TENM2: variants seen among roughly 807,000 people sequenced by gnomAD.
TENM2 encodes the protein teneurin transmembrane protein 2.
TENM2 carries 52 observed loss-of-function variants against 245.2 expected under a neutral mutation model. The ratio of observed to expected loss-of-function variants is 0.21; its 90% CI spans 0.17 to 0.27. The LOEUF (loss-of-function observed/expected upper bound fraction) is 0.27, where lower values mean the gene tolerates loss of function less well. Among genes scored for constraint, TENM2 ranks in the 10% least tolerant of loss-of-function variants. TENM2 has a pLI of 1.00. For synonymous variants in TENM2, 1,363 were observed against 1,438.9 expected (o/e 0.95, Z 1.19); for missense variants, 3,046 against 3,666.8 (o/e 0.83, Z 4.37).
At chr5:167,071,917 A>G in the TENM2 span, among the ~76,000 whole-genome samples, 1 of 137,332 alleles carries the variant, frequency 7.3e-6, no homozygotes, top group African/African-American at 2.7e-5. Flanking sequence ...CTGGAAAATC[A>G]GGATGCTAGC....
chr5:167,909,420 A>C (rs1776373711), intron 3 of TENM2, among the ~76,000 whole-genome samples: 1 of 152,134 alleles, frequency 6.6e-6, no homozygotes, highest in Admixed American at 6.5e-5. Flanking sequence ...GTACCCCCTA[A>C]ATCTAAAATA....
At chr5:168,199,041 T>C in exon 16 of TENM2, 2 of 1,613,926 alleles carry the variant, frequency 1.2e-6, no homozygotes. Context: ...CCTGATCCAA[T>C]CATCATCTCC....
intron 2 of TENM2, among the ~76,000 whole-genome samples, chr5:167,843,771 G>T (rs914345254): frequency 4.6e-5 from 7 of 152,098 alleles, no homozygotes; most frequent in Non-Finnish European, 7.3e-5. Flanking sequence ...GATGATAAAG[G>T]TTTATGCTGG....
At chr5:167,517,910 G>A (rs533251569) in intron 2 of TENM2, among the ~76,000 whole-genome samples, 9 of 152,160 alleles carry the variant, frequency 5.9e-5, no homozygotes, top group South Asian at 4.1e-4. Context: ...AGCAGGGGCC[G>A]GGCACCGTGG....
the TENM2 span, among the ~76,000 whole-genome samples, chr5:167,117,188 G>A: frequency 6.6e-6 from 1 of 152,312 alleles, no homozygotes; most frequent in African/African-American, 2.4e-5. Context: ...TTTTTGCTGT[G>A]ACCTTTCCTC....
At chr5:166,990,561 T>C in the TENM2 span, among the ~76,000 whole-genome samples, 3 of 152,178 alleles carry the variant, frequency 2.0e-5, no homozygotes, top group Non-Finnish European at 2.9e-5. Context: ...TGCAGTTCCA[T>C]GAAATATTAA....
chr5:167,399,303 A>T (rs1018761501), intron 2 of TENM2, among the ~76,000 whole-genome samples: 1 of 152,198 alleles, frequency 6.6e-6, no homozygotes, highest in Admixed American at 6.6e-5. Context: ...GCCAATAATA[A>T]GCCAGGATGA....
At chr5:167,708,539 A>G (rs917857441) in intron 2 of TENM2, among the ~76,000 whole-genome samples, 1 of 152,172 alleles carries the variant, frequency 6.6e-6, no homozygotes, top group African/African-American at 2.4e-5. Flanking sequence ...ACTTGCAGAC[A>G]TGGAAAATAA....
intron 2 of TENM2, among the ~76,000 whole-genome samples, chr5:167,514,087 C>T (rs748966191): frequency 6.6e-6 from 1 of 152,216 alleles, no homozygotes; most frequent in African/African-American, 2.4e-5. Flanking sequence ...TGTTCCTGCT[C>T]TCTTCAACTC....
At chr5:168,180,723 C>A (rs550213354) in intron 13 of TENM2, among the ~76,000 whole-genome samples, 1 of 152,264 alleles carries the variant, frequency 6.6e-6, no homozygotes, top group African/African-American at 2.4e-5. Flanking sequence ...TGGTGAAACC[C>A]TGTCTCTACT....
intron 2 of TENM2, among the ~76,000 whole-genome samples, chr5:167,868,827 C>G (rs1772561482): frequency 6.6e-6 from 1 of 152,040 alleles, no homozygotes; most frequent in Admixed American, 6.6e-5. Context: ...GTCTCCCTAC[C>G]TATGGTACAG....
chr5:168,215,893 A>C (rs879369911), intron 21 of TENM2, among the ~76,000 whole-genome samples: 1 of 152,218 alleles, frequency 6.6e-6, no homozygotes, highest in African/African-American at 2.4e-5. Flanking sequence ...CTTCCGTGGT[A>C]GACAGCAAAT....
intron 1 of TENM2, among the ~76,000 whole-genome samples, chr5:167,350,862 G>GGATATATATGGGATA (rs1758841419): frequency 5.8e-5 from 2 of 34,380 alleles, no homozygotes; most frequent in Non-Finnish European, 1.3e-4. Flanking sequence ...TATATGGGAT[G>GGATATATATGGGATA]TATACATATG....
intron 2 of TENM2, among the ~76,000 whole-genome samples, chr5:167,487,630 T>C (rs1768157527): frequency 6.6e-6 from 1 of 152,218 alleles, no homozygotes; most frequent in Admixed American, 6.5e-5. Context: ...TCTTTCATTG[T>C]AATTAACTAA....
chr5:167,390,784 T>C (rs545179060), intron 2 of TENM2, among the ~76,000 whole-genome samples: 1 of 152,282 alleles, frequency 6.6e-6, no homozygotes, highest in African/African-American at 2.4e-5. Context: ...AGAGTACAGG[T>C]TGTCTTCCAT....
the TENM2 span, among the ~76,000 whole-genome samples, chr5:167,170,163 G>A: frequency 6.6e-6 from 1 of 152,184 alleles, no homozygotes. Flanking sequence ...TTTCAAGAAG[G>A]GATAAGCATA....
chr5:168,122,674 A>C (rs182500209), intron 10 of TENM2, among the ~76,000 whole-genome samples: 1 of 152,264 alleles, frequency 6.6e-6, no homozygotes, highest in African/African-American at 2.4e-5. Flanking sequence ...TCCAACTAAT[A>C]ATAAGCAACC....
At chr5:167,731,920 C>T (rs1760466941) in intron 2 of TENM2, among the ~76,000 whole-genome samples, 1 of 152,006 alleles carries the variant, frequency 6.6e-6, no homozygotes, top group Non-Finnish European at 1.5e-5. Flanking sequence ...TAATTGCCTA[C>T]TTCTAATTTG....
intron 9 of TENM2, among the ~76,000 whole-genome samples, chr5:168,105,823 T>C (rs1236896182): frequency 1.3e-5 from 2 of 152,262 alleles, no homozygotes; most frequent in Non-Finnish European, 2.9e-5. Flanking sequence ...GTTATTACTA[T>C]TTCCCTTGCA....
Sources: allele counts gnomAD v4.1 joint callset (sites outside exome capture counted in the v4.1 genomes callset), GRCh38; gene constraint gnomAD v4.1.1; transcripts MANE v1.5; gene names NCBI Gene and HGNC (gene_info 2026-07-23, HGNC 2026-07-21).